The following FAM149B1 variants were observed in gnomAD, a reference collection of about 807,000 sequenced individuals.
The protein encoded by FAM149B1 is family with sequence similarity 149 member B1, also known as primary cilium assembly protein FAM149B1.
In FAM149B1, 56 loss-of-function variants were observed where a neutral mutation model predicts 75.3. The ratio of observed to expected loss-of-function variants is 0.74; its 90% confidence interval spans 0.60 to 0.93. The LOEUF (loss-of-function observed/expected upper bound fraction) is 0.93. Ranked by LOEUF, FAM149B1 falls within the 40% of genes least tolerant of loss-of-function variation. The pLI is 0.00. For synonymous variants in FAM149B1, 259 were observed against 256.1 expected (o/e 1.01, Z -0.11); for missense variants, 639 against 708.4 (o/e 0.90, Z 1.11).
chr10:73,228,097 A>G lies in FAM149B1; in HGVS notation c.936A>G (p.Ser312=). 6.4e-7 allele frequency: 1 copy of G among 1,551,562 alleles called. No homozygotes were observed. The highest frequency in any genetic ancestry group is 8.7e-7 in the Non-Finnish European group (1 of 1,146,782). The change falls in exon 8 of 14, where the codon TCA becomes TCG. Residue 312 remains serine, a synonymous_variant. Transcript: ENST00000242505. ...ESNVAVTRPD[S]ESSCVLSELH... ...ATGTTGCAGTTACCAGACCCGATTC[A>G]GAAAGTTCCTGTGTGCTGAGTGAAC...
At chr10:73,195,821 AT>A (rs1276519819) in intron 5 of FAM149B1, among the ~76,000 whole-genome samples, 16 of 152,196 alleles carry the variant, frequency 1.1e-4, no homozygotes, top group Non-Finnish European at 2.2e-4. Context: ...AGTAAAACAA[AT>A]ACCTATTTAT....
chr10:73,243,243 T>C lies in FAM149B1; in HGVS notation c.*2224T>C, dbSNP rs1467432469. On this transcript the variant is annotated 3_prime_UTR_variant, in exon 14 of 14. Transcript: ENST00000242505. ...CTTTCTAGGAAATACTAAGATCAGGTTGAGAGATTCTGCTTGGTCTAGTCA... is the reference window on the plus strand; with the variant it reads ...CTTTCTAGGAAATACTAAGATCAGGCTGAGAGATTCTGCTTGGTCTAGTCA... 2.7e-6 allele frequency: 2 copies of C among 735,546 alleles called. No homozygotes were observed. The highest frequency in any genetic ancestry group is 3.5e-5 in the South Asian group (2 of 57,020). 45.6% of individuals were successfully genotyped at this position (735,546 alleles called of 1,614,324 possible).
intron 13 of FAM149B1, 97 bp downstream of exon 13, chr10:73,239,481 T>C: frequency 1.2e-6 from 1 of 869,356 alleles, no homozygotes; most frequent in Non-Finnish European, 1.8e-6. Context: ...TTCTTTCAGA[T>C]TTTCTTGGAT....
Position 73,168,760 on chromosome 10 carries a change from A to G in FAM149B1, c.47+374A>G, listed in dbSNP as rs764754265. 3.5e-5 allele frequency: 7 copies of G among 197,512 alleles called. No homozygotes were observed. In the South Asian group the frequency reaches 8.7e-4, roughly 25 times the overall value. The allele number at this position is 197,512 out of a possible 1,614,324, so 12.2% of individuals were successfully genotyped here. A position where few individuals can be genotyped will look rare whatever the true frequency, so the allele number is the denominator to read the frequency against. On this transcript the variant is annotated intron_variant, in intron 1 of 13. Coordinates refer to ENST00000242505, the MANE Select transcript of FAM149B1 (RefSeq NM_173348.2). Reference sequence around the variant, plus strand: ...TACATACATTTGCTCATTCCTATCAATGATATCAGATTGGGAACATTATTT... The same window carrying G: ...TACATACATTTGCTCATTCCTATCAGTGATATCAGATTGGGAACATTATTT...
chr10:73,208,699 TTTG>T lies in FAM149B1; in HGVS notation c.626_628del (p.Cys209del). On this transcript the variant is annotated inframe_deletion, in exon 6 of 14. Transcript: ENST00000242505. The stretch of plus-strand genomic sequence containing the variant: ...TCTTCCATTGCCAAATCCTCCAGCT[TTTG>T]TTCTATGGAAAGAGATGAGGAAGAC... 1.3e-6 allele frequency: 2 copies of T among 1,549,358 alleles called. No individual in the cohort carries two copies. The highest frequency in any genetic ancestry group is 8.7e-7 in the Non-Finnish European group (1 of 1,145,534).
intron 5 of FAM149B1, among the ~76,000 whole-genome samples, chr10:73,196,613 T>C (rs751698515): frequency 2.0e-5 from 3 of 152,228 alleles, no homozygotes; most frequent in Admixed American, 1.3e-4. Context: ...TATCCATTCT[T>C]GCCCTCTCCA....
At chr10:73,206,788 G>A (rs1216097132) in intron 5 of FAM149B1, among the ~76,000 whole-genome samples, 2 of 152,168 alleles carry the variant, frequency 1.3e-5, no homozygotes, top group East Asian at 1.9e-4. Flanking sequence ...GGTGGCGGAC[G>A]CCTATAATCC....
chr10:73,222,333 G>C (rs1320893116), intron 7 of FAM149B1, among the ~76,000 whole-genome samples: 1 of 152,172 alleles, frequency 6.6e-6, no homozygotes, highest in Non-Finnish European at 1.5e-5. Context: ...TCTGCCCAGT[G>C]CTCCATGAAT....
intron 5 of FAM149B1, chr10:73,200,921 A>C (rs1453234840): frequency 1.5e-5 from 7 of 471,906 alleles, no homozygotes; most frequent in Non-Finnish European, 3.0e-5. Context: ...CTGCATGGCG[A>C]CATGGACCAG....
intron 12 of FAM149B1, among the ~76,000 whole-genome samples, chr10:73,236,450 G>A (rs1355536707): frequency 7.2e-6 from 1 of 139,104 alleles, no homozygotes; most frequent in Non-Finnish European, 1.5e-5. Context: ...GTCTCGCTCT[G>A]TCACCTAGGG....
chr10:73,215,226 G>T (rs1000170906), intron 7 of FAM149B1, among the ~76,000 whole-genome samples: 1 of 152,044 alleles, frequency 6.6e-6, no homozygotes, highest in East Asian at 1.9e-4. Flanking sequence ...TTGTCATGTT[G>T]GCGAGGCTGG....
intron 5 of FAM149B1, among the ~76,000 whole-genome samples, chr10:73,202,151 C>T (rs981412851): frequency 5.3e-5 from 8 of 152,046 alleles, no homozygotes; most frequent in African/African-American, 1.2e-4. Context: ...GGCGACAGAG[C>T]GAGACTCTGT....
At chr10:73,178,680 G>T (rs1277917371) in intron 3 of FAM149B1, among the ~76,000 whole-genome samples, 1 of 152,112 alleles carries the variant, frequency 6.6e-6, no homozygotes, top group Non-Finnish European at 1.5e-5. Flanking sequence ...TATTGGTAAT[G>T]AAAACAAACA....
At chr10:73,201,172 T>G in intron 5 of FAM149B1, 1 of 271,700 alleles carries the variant, frequency 3.7e-6, no homozygotes. Flanking sequence ...GACACTGAGA[T>G]TTGTATGCAA....
chr10:73,234,054 CAT>C (rs2043768148), intron 10 of FAM149B1: 5 of 152,212 alleles, frequency 3.3e-5, no homozygotes, highest in Non-Finnish European at 1.5e-5. Context: ...CAATTTTAAA[CAT>C]AGAATTCTTT....
At chr10:73,190,490 C>CA (rs1331822713) in intron 3 of FAM149B1, among the ~76,000 whole-genome samples, 5 of 145,892 alleles carry the variant, frequency 3.4e-5, no homozygotes, top group African/African-American at 1.3e-4. Flanking sequence ...AATTAAAAAA[C>CA]AAAAAACAAA....
At chr10:73,178,897 T>C (rs1386961291) in intron 3 of FAM149B1, among the ~76,000 whole-genome samples, 1 of 152,028 alleles carries the variant, frequency 6.6e-6, no homozygotes, top group Non-Finnish European at 1.5e-5. Context: ...ACTCTAAAAA[T>C]TTTTTAAAGA....
At chr10:73,189,416 A>G (rs2042626340) in intron 3 of FAM149B1, among the ~76,000 whole-genome samples, 1 of 152,252 alleles carries the variant, frequency 6.6e-6, no homozygotes, top group Non-Finnish European at 1.5e-5. Context: ...ACATATGTGT[A>G]GAAAAAGACT....
chr10:73,232,863 C>T (rs1370799136), intron 9 of FAM149B1, 76 bp from the exon 10 acceptor site: 39 of 888,638 alleles, frequency 4.4e-5, no homozygotes, highest in Non-Finnish European at 6.9e-5. Context: ...TAGTCTAAGG[C>T]TTTTTACCCC....
Sources: allele counts gnomAD v4.1 joint callset (sites outside exome capture counted in the v4.1 genomes callset), GRCh38; gene constraint gnomAD v4.1.1; transcripts MANE v1.5; gene names NCBI Gene and HGNC (gene_info 2026-07-23, HGNC 2026-07-21).